HAO2: variants seen among roughly 807,000 people sequenced by gnomAD.
The protein encoded by HAO2 is hydroxyacid oxidase 2.
HAO2 carries 42 observed loss-of-function variants against 37.4 expected under a neutral mutation model. That is an observed-to-expected ratio of 1.12 (90% CI 0.88 to 1.45). The LOEUF is 1.45. HAO2 is among the 40% of genes most tolerant of loss of function. HAO2 has a pLI of 0.00. For missense variants in HAO2, 476 were observed against 430.2 expected (o/e 1.11, Z -0.94); for synonymous variants, 180 against 162.8 (o/e 1.11, Z -0.81).
At chr1:119,385,111 C>T in intron 4 of HAO2, 58 bp downstream of exon 4, 2 of 1,562,012 alleles carry the variant, frequency 1.3e-6, no homozygotes, top group Non-Finnish European at 1.7e-6. Context: ...TTCCTTCCCT[C>T]TTTTCTCCTT....
intron 1 of HAO2, among the ~76,000 whole-genome samples, chr1:119,371,514 C>T (rs6694847): frequency 0.033 from 5,006 of 152,142 alleles, 259 homozygotes; most frequent in African/African-American, 0.11. Flanking sequence ...ACATTTTAAT[C>T]CTCTAAGGTC....
At chr1:119,376,163 A>T (rs1219415508) in intron 1 of HAO2, among the ~76,000 whole-genome samples, 1 of 152,232 alleles carries the variant, frequency 6.6e-6, no homozygotes, top group Non-Finnish European at 1.5e-5. Flanking sequence ...CAAGTTAGTT[A>T]CTTCCTAGAT....
rs1302440501 is a variant in HAO2 at position 119,384,949 on chromosome 1, T to G, written c.457T>G (p.Leu153Val). 6.2e-7 allele frequency: 1 copy of G among 1,613,682 alleles called. No homozygotes were observed. The highest frequency in any genetic ancestry group is 8.5e-7 in the Non-Finnish European group (1 of 1,179,620). The change falls in exon 4 of 8, where the codon TTG becomes GTG. Residue 153 changes from leucine to valine, a missense_variant. By Grantham distance (32) the Leu-to-Val change is conservative (BLOSUM62 1). Coordinates refer to ENST00000325945, the MANE Select transcript of HAO2 (RefSeq NM_016527.4). ...GGTAGAATCCCTAGGTTTCAAAGCT[T>G]TGGTAATAACTTTGGATACACCTGT... is the stretch of plus-strand genomic sequence containing the variant. ...QRVESLGFKA[L>V]VITLDTPVCG...
intron 2 of HAO2, among the ~76,000 whole-genome samples, chr1:119,381,600 C>G (rs1649950363): frequency 6.6e-6 from 1 of 152,076 alleles, no homozygotes; most frequent in Non-Finnish European, 1.5e-5. Flanking sequence ...GGAGAGAACA[C>G]TCAGGTTTGG....
chr1:119,371,051 A>G (rs1337067147), intron 1 of HAO2, among the ~76,000 whole-genome samples: 4 of 152,218 alleles, frequency 2.6e-5, no homozygotes, highest in Admixed American at 6.5e-5. Context: ...TCACAGTGTC[A>G]CATAGAACTC....
At chr1:119,381,379 G>T (rs1256478932) in intron 2 of HAO2, among the ~76,000 whole-genome samples, 163 bp downstream of exon 2, 1 of 152,124 alleles carries the variant, frequency 6.6e-6, no homozygotes, top group Non-Finnish European at 1.5e-5. Context: ...GGCAGGGGAG[G>T]GAGGGCTGAT....
rs767228882 is a variant in HAO2, at chr1:119,384,804, C to T, written c.312C>T (p.Ile104=). Residue 104 remains isoleucine (I), a synonymous_variant, in exon 4 of 8, where the codon ATC becomes ATT. Transcript: ENST00000325945. ...RAAQAAGICY[I]TSTFASCSLE... is the part of the protein sequence containing the mutation. ...CCCAAGCGGCTGGTATCTGCTACAT[C>T]ACCAGCACATTTGCCAGCTGTAGCC... 3.1e-6 allele frequency: 5 copies of T among 1,613,728 alleles called. No homozygotes were observed. Among genetic ancestry groups the T allele is most frequent in the South Asian group, 1.1e-5 (1 of 91,060 alleles).
intron 1 of HAO2, 94 bp from the exon 2 acceptor site, chr1:119,380,983 CA>C: frequency 9.2e-7 from 1 of 1,089,060 alleles, no homozygotes; most frequent in South Asian, 1.4e-5. Flanking sequence ...ATGTTGAATC[CA>C]AACAATTTCA....
chr1:119,380,978 G>C (rs1379376462), intron 1 of HAO2, 100 bp from the exon 2 acceptor site: 1 of 1,017,724 alleles, frequency 9.8e-7, no homozygotes. Flanking sequence ...GACCAATGTT[G>C]AATCCAAACA....
rs587648681 is a variant in HAO2 at position 119,374,769 on chromosome 1, A to G, written c.-9+5867A>G. ...AACATGAATCATATGAATCATACAA[A>G]ATCTTCAAAGGAAGACAACTTTTTA... On this transcript the variant is annotated intron_variant, in intron 1 of 7. Transcript: ENST00000325945. Among the ~76,000 whole-genome samples the G allele has an allele frequency of 2.0e-5, 3 of 152,354 alleles. No homozygotes were observed. In the South Asian group the frequency reaches 6.2e-4, roughly 32 times the overall value.
At chr1:119,390,564 T>A (rs770848386) in intron 5 of HAO2, among the ~76,000 whole-genome samples, 2 of 152,204 alleles carry the variant, frequency 1.3e-5, no homozygotes, top group African/African-American at 2.4e-5. Flanking sequence ...ATTTTTATGA[T>A]GTTGTGAAAG....
chr1:119,374,262 C>G (rs1649269089), intron 1 of HAO2, among the ~76,000 whole-genome samples: 1 of 152,212 alleles, frequency 6.6e-6, no homozygotes, highest in Non-Finnish European at 1.5e-5. Context: ...CTGCACATGG[C>G]TCTCCTAGTC....
chr1:119,385,151 A>G, intron 4 of HAO2, 98 bp downstream of exon 4: 1 of 1,501,086 alleles, frequency 6.7e-7, no homozygotes, highest in Non-Finnish European at 8.9e-7. Context: ...ACAGGCATTT[A>G]TCGAACACCT....
chr1:119,378,713 G>C (rs1019374648), intron 1 of HAO2, among the ~76,000 whole-genome samples: 5 of 152,160 alleles, frequency 3.3e-5, no homozygotes, highest in African/African-American at 1.2e-4. Flanking sequence ...TTCTGGATTA[G>C]ACATAATGTT....
intron 5 of HAO2, among the ~76,000 whole-genome samples, chr1:119,389,166 A>ATATATATATGTG (rs1650658256): frequency 2.0e-5 from 2 of 98,766 alleles, no homozygotes; most frequent in Non-Finnish European, 4.2e-5. Context: ...ATATATATAT[A>ATATATATATGTG]TACACCACAG....
rs750559614 is a variant in HAO2, at chr1:119,382,531, C to T, written c.132-384C>T. ...ACCTGAGAGGAAAAGAGACTGGAAC[C>T]TCTTCCTACCTATTCTTTTCTTTTT... On this transcript the variant is annotated intron_variant, in intron 2 of 7. Transcript: ENST00000325945. 5.9e-5 allele frequency among the ~76,000 whole-genome samples: 9 copies of T among 152,266 alleles called. No individual in the cohort carries two copies. The South Asian group carries it at 1.7e-3, about 28-fold the overall frequency.
chr1:119,392,802 A>G lies in HAO2; in HGVS notation c.1000+115A>G. The stretch of plus-strand genomic sequence containing the variant: ...CTGATGTGGTAGCTGTCCAAAAGAT[A>G]GGACAGGCAGGCAACTTTCAAGACA... On this transcript the variant is annotated intron_variant, in intron 7 of 7. Coordinates refer to ENST00000325945, the MANE Select transcript of HAO2 (RefSeq NM_016527.4). 6.6e-6 allele frequency: 5 copies of G among 753,980 alleles called. No individual in the cohort carries two copies. In the South Asian group the frequency reaches 7.2e-5, roughly 11 times the overall value. 46.7% of individuals were successfully genotyped at this position (753,980 alleles called of 1,614,324 possible). A position where few individuals can be genotyped will look rare whatever the true frequency, so the allele number is the denominator to read the frequency against.
intron 1 of HAO2, among the ~76,000 whole-genome samples, chr1:119,377,721 G>A (rs898609404): frequency 6.6e-6 from 1 of 152,238 alleles, no homozygotes; most frequent in Non-Finnish European, 1.5e-5. Flanking sequence ...GCAAAGGCAT[G>A]TTTTAAATGG....
chr1:119,390,007 G>A (rs1253650547), intron 5 of HAO2, among the ~76,000 whole-genome samples: 1 of 151,990 alleles, frequency 6.6e-6, no homozygotes, highest in Non-Finnish European at 1.5e-5. Context: ...TCCTACATGT[G>A]GCTAGCCAAT....
Sources: allele counts gnomAD v4.1 joint callset (sites outside exome capture counted in the v4.1 genomes callset), GRCh38; gene constraint gnomAD v4.1.1; transcripts MANE v1.5; gene names NCBI Gene and HGNC (gene_info 2026-07-23, HGNC 2026-07-21).